MAP4K4: variants seen among roughly 807,000 people sequenced by gnomAD.
MAP4K4 encodes the protein HPK/GCK-like kinase HGK.
MAP4K4 carries 38 observed loss-of-function variants against 189.6 expected under a neutral mutation model. That is an observed-to-expected ratio of 0.20 (90% CI 0.15 to 0.26). The LOEUF (loss-of-function observed/expected upper bound fraction) is 0.26, where lower values mean the gene tolerates loss of function less well. Among genes scored for constraint, MAP4K4 ranks in the 10% least tolerant of loss-of-function variants. MAP4K4 has a pLI of 1.00. For synonymous variants in MAP4K4, 610 were observed against 624.3 expected (o/e 0.98, Z 0.34); for missense variants, 1,054 against 1,726.9 (o/e 0.61, Z 6.91).
intron 2 of MAP4K4, among the ~76,000 whole-genome samples, chr2:101,728,784 G>A (rs1307641686): frequency 6.6e-6 from 1 of 152,218 alleles, no homozygotes; most frequent in Non-Finnish European, 1.5e-5. Flanking sequence ...TTCCCAAAGT[G>A]CTGGGATTAC....
chr2:101,734,386 A>G (rs1278812194), intron 2 of MAP4K4, among the ~76,000 whole-genome samples: 1 of 152,258 alleles, frequency 6.6e-6, no homozygotes, highest in Non-Finnish European at 1.5e-5. Flanking sequence ...TCCAAGGCAC[A>G]TAATTATGTT....
intron 2 of MAP4K4, among the ~76,000 whole-genome samples, chr2:101,751,052 T>C (rs2068666704): frequency 6.6e-6 from 1 of 151,820 alleles, no homozygotes; most frequent in Non-Finnish European, 1.5e-5. Flanking sequence ...GACGTAACCT[T>C]TCTTGTTTCG....
chr2:101,785,724 CTCT>C lies in MAP4K4; in HGVS notation c.124-4995_124-4993del, dbSNP rs2090591632. Among the ~76,000 whole-genome samples, 2 of 7,684 alleles carry C rather than the reference CTCT, an allele frequency of 2.6e-4. 1 individual carries two copies. 5.0% of individuals were successfully genotyped at this position (7,684 alleles called of 152,430 possible). ...TCTCTCTCTCTCTCTCTCTCTCTCT[CTCT>C]CTCTCTCTCTCTCTCTCTCTCTCTC... On this transcript the variant is annotated intron_variant, in intron 2 of 32. Coordinates refer to ENST00000324219, the Ensembl canonical transcript of MAP4K4.
chr2:101,701,230 T>C (rs1163466374), intron 2 of MAP4K4, among the ~76,000 whole-genome samples: 2 of 152,142 alleles, frequency 1.3e-5, no homozygotes, highest in Admixed American at 1.3e-4. Flanking sequence ...TTACATGAAG[T>C]GAGTGAGTTG....
At chr2:101,848,528 C>G (rs1370013561) in intron 12 of MAP4K4, among the ~76,000 whole-genome samples, 1 of 152,208 alleles carries the variant, frequency 6.6e-6, no homozygotes, top group Non-Finnish European at 1.5e-5. Flanking sequence ...TGTTATCTAT[C>G]AGCAGACTGG....
intron 17 of MAP4K4, 26 bp downstream of exon 17, chr2:101,864,077 G>A (rs2097751524): frequency 8.1e-7 from 1 of 1,227,706 alleles, no homozygotes; most frequent in Non-Finnish European, 1.1e-6. Flanking sequence ...ACAGATGTGT[G>A]CTGCTTTTTT....
At chr2:101,709,807 G>A (rs778122218) in intron 2 of MAP4K4, among the ~76,000 whole-genome samples, 47 of 152,088 alleles carry the variant, frequency 3.1e-4, no homozygotes, top group Non-Finnish European at 5.4e-4. Context: ...TGTTTTGGGC[G>A]AATAAGTTTG....
intron 4 of MAP4K4, 91 bp from the exon 5 acceptor site, chr2:101,825,228 G>T: frequency 2.9e-6 from 2 of 681,180 alleles, no homozygotes; most frequent in Non-Finnish European, 5.1e-6. Flanking sequence ...ACGTTTCTAG[G>T]TCTTTAGAAA....
At chr2:101,720,084 G>A (rs2050857683) in intron 2 of MAP4K4, among the ~76,000 whole-genome samples, 1 of 151,832 alleles carries the variant, frequency 6.6e-6, no homozygotes. Flanking sequence ...ATGCTGTTGA[G>A]AAAGAAACAA....
At chr2:101,730,373 G>T (rs2057875021) in intron 2 of MAP4K4, among the ~76,000 whole-genome samples, 2 of 152,152 alleles carry the variant, frequency 1.3e-5, no homozygotes, top group Admixed American at 6.5e-5. Context: ...CTTCTGTCTT[G>T]CCCCGCTCTC....
intron 3 of MAP4K4, among the ~76,000 whole-genome samples, 174 bp downstream of exon 3, chr2:101,790,950 G>T (rs536855874): frequency 4.6e-5 from 7 of 152,246 alleles, no homozygotes; most frequent in Admixed American, 1.3e-4. Context: ...GTAGTACACG[G>T]TCTCCAAGTA....
At chr2:101,840,877 C>T (rs973687772) in intron 10 of MAP4K4, among the ~76,000 whole-genome samples, 1 of 152,178 alleles carries the variant, frequency 6.6e-6, no homozygotes, top group Non-Finnish European at 1.5e-5. Context: ...TTCAGAATAA[C>T]CTTTTTCCTT....
chr2:101,723,157 C>T (rs1245428650), intron 2 of MAP4K4, among the ~76,000 whole-genome samples: 2 of 152,210 alleles, frequency 1.3e-5, no homozygotes, highest in African/African-American at 4.8e-5. Flanking sequence ...ATGTGGGAAA[C>T]ACCCTCATGA....
At chr2:101,876,201 A>C (rs1307086268) in intron 26 of MAP4K4, among the ~76,000 whole-genome samples, 1 of 152,078 alleles carries the variant, frequency 6.6e-6, no homozygotes, top group East Asian at 1.9e-4. Context: ...GCAGGAGGCA[A>C]AGTAGCAGCG....
chr2:101,702,642 A>G (rs2039609797), intron 2 of MAP4K4, among the ~76,000 whole-genome samples: 1 of 152,212 alleles, frequency 6.6e-6, no homozygotes, highest in African/African-American at 2.4e-5. Context: ...ACAGAGGGGA[A>G]ATCCGGTAAC....
intron 2 of MAP4K4, among the ~76,000 whole-genome samples, chr2:101,736,641 C>G (rs1471464429): frequency 1.3e-5 from 2 of 152,146 alleles, no homozygotes; most frequent in Non-Finnish European, 2.9e-5. Context: ...ATGTTATATT[C>G]AGTATATTTT....
At chr2:101,730,766 G>A (rs1256927206) in intron 2 of MAP4K4, among the ~76,000 whole-genome samples, 1 of 152,118 alleles carries the variant, frequency 6.6e-6, no homozygotes, top group Non-Finnish European at 1.5e-5. Flanking sequence ...GTTGAATAGT[G>A]GCCGGGTGTG....
intron 7 of MAP4K4, among the ~76,000 whole-genome samples, chr2:101,832,984 G>A (rs1322450418): frequency 2.0e-5 from 3 of 152,128 alleles, no homozygotes; most frequent in Non-Finnish European, 4.4e-5. Flanking sequence ...GGAGGTGGAG[G>A]TAGAGGTGCT....
At chr2:101,888,674 A>C in intron 31 of MAP4K4, 122 bp from the exon 32 acceptor site, 1 of 698,480 alleles carries the variant, frequency 1.4e-6, no homozygotes, top group Non-Finnish European at 2.1e-6. Flanking sequence ...AATGCTAGGC[A>C]TTTAAATTTT....
Sources: gnomAD v4.1 joint callset for allele counts (sites outside exome capture counted in the v4.1 genomes callset) on GRCh38, gnomAD v4.1.1 for gene constraint, MANE v1.5 for transcripts, NCBI Gene and HGNC (gene_info 2026-07-23, HGNC 2026-07-21) for gene names.